DACH1: variants seen among roughly 807,000 people sequenced by gnomAD.
DACH1 encodes the protein dachshund family transcription factor 1.
DACH1 carries 12 observed loss-of-function variants against 54.2 expected under a neutral mutation model. The observed-to-expected ratio is 0.22, with a 90% CI of 0.14 to 0.36. The LOEUF (loss-of-function observed/expected upper bound fraction) is 0.36. DACH1 is among the 10% of genes least tolerant of loss of function. DACH1 has a pLI of 1.00. For synonymous variants in DACH1, 386 were observed against 366.2 expected (o/e 1.05, Z -0.62); for missense variants, 805 against 929.8 (o/e 0.87, Z 1.75).
intron 1 of DACH1, among the ~76,000 whole-genome samples, chr13:71,806,557 GT>G (rs1887512870): frequency 1.3e-5 from 2 of 152,102 alleles, no homozygotes; most frequent in Non-Finnish European, 1.5e-5. Context: ...AAAGACTTAA[GT>G]ACAAAAATTC....
At chr13:71,736,187 A>G (rs919654733) in intron 1 of DACH1, among the ~76,000 whole-genome samples, 1 of 152,216 alleles carries the variant, frequency 6.6e-6, no homozygotes, top group African/African-American at 2.4e-5. Context: ...AAGTGACCAA[A>G]GAGTAATAAT....
intron 6 of DACH1, among the ~76,000 whole-genome samples, chr13:71,532,112 C>T (rs1882458979): frequency 6.6e-6 from 1 of 151,758 alleles, no homozygotes; most frequent in South Asian, 2.1e-4. Flanking sequence ...CTCTGATAAC[C>T]AAATAATGAT....
intron 1 of DACH1, among the ~76,000 whole-genome samples, chr13:71,810,217 C>A (rs555008365): frequency 1.3e-5 from 2 of 152,134 alleles, no homozygotes; most frequent in Non-Finnish European, 2.9e-5. Flanking sequence ...AAAACGTTAT[C>A]ACTTAGAAAG....
chr13:71,615,287 A>G (rs1263784672), intron 3 of DACH1, among the ~76,000 whole-genome samples: 1 of 152,212 alleles, frequency 6.6e-6, no homozygotes, highest in South Asian at 2.1e-4. Flanking sequence ...GCGTTATTTT[A>G]TCTATCAATA....
chr13:71,848,050 T>C (rs965380051), intron 1 of DACH1, among the ~76,000 whole-genome samples: 1 of 152,116 alleles, frequency 6.6e-6, no homozygotes, highest in Admixed American at 6.5e-5. Flanking sequence ...AAATTTTGTA[T>C]TTAGTTTAAG....
At chr13:71,671,159 C>A (rs1880183294) in intron 2 of DACH1, among the ~76,000 whole-genome samples, 1 of 151,718 alleles carries the variant, frequency 6.6e-6, no homozygotes, top group Non-Finnish European at 1.5e-5. Flanking sequence ...TTAAATATTT[C>A]TTTATATTAT....
chr13:71,649,059 C>T (rs1479852992), intron 2 of DACH1, among the ~76,000 whole-genome samples: 1 of 152,124 alleles, frequency 6.6e-6, no homozygotes, highest in African/African-American at 2.4e-5. Flanking sequence ...AATGATGTTC[C>T]TATCAACAAC....
chr13:71,581,710 T>C (rs961838363), intron 3 of DACH1, among the ~76,000 whole-genome samples: 1 of 152,094 alleles, frequency 6.6e-6, no homozygotes, highest in Admixed American at 6.6e-5. Context: ...GCATCTAGAT[T>C]AACAATTGTT....
chr13:71,617,330 T>C (rs1432845824), intron 3 of DACH1, among the ~76,000 whole-genome samples: 1 of 152,202 alleles, frequency 6.6e-6, no homozygotes. Flanking sequence ...TTTTTATTAA[T>C]TGTTTTTGTC....
chr13:71,464,590 C>T (rs757623367), intron 10 of DACH1: 1 of 441,964 alleles, frequency 2.3e-6, no homozygotes, highest in South Asian at 1.7e-5. Context: ...TTAATTAATA[C>T]ATGCAAATTA....
intron 1 of DACH1, among the ~76,000 whole-genome samples, chr13:71,757,897 G>T (rs1167987504): frequency 6.6e-6 from 1 of 151,860 alleles, no homozygotes; most frequent in Non-Finnish European, 1.5e-5. Flanking sequence ...TGCTTTTCAG[G>T]GTTGAATCAC....
chr13:71,475,788 A>G lies in DACH1; in HGVS notation c.1932T>C (p.Leu644=). Residue 644 remains leucine, a synonymous_variant, in exon 9 of 11, where the codon CTT becomes CTC. Transcript: ENST00000613252. ...GTTCACGCCGTTTCGTCTCAAACTCAAGTGCTTCCTGCAATTTTCTCTTTG... is the reference window on the plus strand; with the variant it reads ...GTTCACGCCGTTTCGTCTCAAACTCGAGTGCTTCCTGCAATTTTCTCTTTG... The part of the protein sequence containing the change: ...KKAKRKLQEA[L]EFETKRREQA... The G allele has an allele frequency of 6.2e-7, 1 of 1,613,544 alleles. No homozygotes were observed. Among genetic ancestry groups the G allele is most frequent in the Non-Finnish European group, 8.5e-7 (1 of 1,179,860 alleles).
At chr13:71,543,635 G>A (rs1883277633) in intron 6 of DACH1, among the ~76,000 whole-genome samples, 1 of 152,046 alleles carries the variant, frequency 6.6e-6, no homozygotes, top group Non-Finnish European at 1.5e-5. Flanking sequence ...TGTGAGGTAA[G>A]TAGATATATT....
At chr13:71,848,412 T>C (rs1179933432) in intron 1 of DACH1, among the ~76,000 whole-genome samples, 1 of 152,210 alleles carries the variant, frequency 6.6e-6, no homozygotes, top group Non-Finnish European at 1.5e-5. Context: ...ATAGTTTAAT[T>C]GGTATTTCTT....
chr13:71,528,646 G>A (rs1956605507), intron 6 of DACH1, among the ~76,000 whole-genome samples: 1 of 151,450 alleles, frequency 6.6e-6, no homozygotes, highest in African/African-American at 2.4e-5. Flanking sequence ...TAGCCAAGAT[G>A]GTCTCGATCT....
chr13:71,586,377 AG>A (rs1873275053), intron 3 of DACH1, among the ~76,000 whole-genome samples: 1 of 152,174 alleles, frequency 6.6e-6, no homozygotes, highest in African/African-American at 2.4e-5. Context: ...TCTTTTTTAA[AG>A]AAAAATTAAA....
At chr13:71,801,790 T>C (rs1284559783) in intron 1 of DACH1, among the ~76,000 whole-genome samples, 2 of 151,310 alleles carry the variant, frequency 1.3e-5, no homozygotes, top group African/African-American at 4.9e-5. Flanking sequence ...GGAGTTGTAA[T>C]GAACACCTTC....
intron 1 of DACH1, among the ~76,000 whole-genome samples, chr13:71,692,119 T>G (rs145474955): frequency 6.6e-6 from 1 of 151,954 alleles, no homozygotes; most frequent in Non-Finnish European, 1.5e-5. Flanking sequence ...CTAATATTAG[T>G]ATTAAAAGGT....
chr13:71,732,849 C>T (rs909454252), intron 1 of DACH1, among the ~76,000 whole-genome samples: 1 of 152,104 alleles, frequency 6.6e-6, no homozygotes, highest in Non-Finnish European at 1.5e-5. Flanking sequence ...TCAATCACTC[C>T]CCTATAGGTT....
Sources: gnomAD v4.1 joint callset for allele counts (sites outside exome capture counted in the v4.1 genomes callset) on GRCh38, gnomAD v4.1.1 for gene constraint, MANE v1.5 for transcripts, NCBI Gene and HGNC (gene_info 2026-07-23, HGNC 2026-07-21) for gene names.